The following FAM118A variants were observed in gnomAD, a reference collection of about 807,000 sequenced individuals.
FAM118A encodes protein FAM118A.
Under a neutral mutation model 38.2 loss-of-function variants are expected in FAM118A, and 25 were observed. The observed-to-expected ratio is 0.65, with a 90% CI of 0.48 to 0.91. The LOEUF (loss-of-function observed/expected upper bound fraction) is 0.91. Ranked by LOEUF, FAM118A falls within the 40% of genes least tolerant of loss-of-function variation. The probability of loss-of-function intolerance (pLI) is 0.00; values close to 1 mark genes in which losing one functional copy is unlikely to be tolerated. For synonymous variants in FAM118A, 178 were observed against 184.1 expected, an observed-to-expected ratio of 0.97 and a Z score of 0.27; for missense variants, 425 against 463.3, an observed-to-expected ratio of 0.92 and a Z score of 0.76.
intron 1 of FAM118A, among the ~76,000 whole-genome samples, chr22:45,317,911 C>T (rs111561441): frequency 2.6e-5 from 4 of 152,272 alleles, no homozygotes; most frequent in African/African-American, 9.6e-5. Context: ...ATCTCAGTGG[C>T]CAAAAAGTCA....
At chr22:45,317,986 C>T (rs568137289) in intron 1 of FAM118A, among the ~76,000 whole-genome samples, 95 of 152,262 alleles carry the variant, frequency 6.2e-4, no homozygotes, top group African/African-American at 1.9e-3. Flanking sequence ...GCATGAGGGG[C>T]GGGGCCATTA....
intron 3 of FAM118A, among the ~76,000 whole-genome samples, chr22:45,324,307 T>G (rs2085096598): frequency 6.6e-6 from 1 of 152,200 alleles, no homozygotes; most frequent in Non-Finnish European, 1.5e-5. Flanking sequence ...GGCCCCTCTT[T>G]GCTGGCTCTG....
chr22:45,322,500 G>A lies in FAM118A; in HGVS notation c.47+74G>A, dbSNP rs188717545. 186 of 1,307,884 alleles carry A rather than the reference G, an allele frequency of 1.4e-4. No homozygotes were observed. In the African/African-American group the frequency reaches 2.3e-3, roughly 16 times the overall value. 81.0% of individuals were successfully genotyped at this position (1,307,884 alleles called of 1,614,324 possible). On this transcript the variant is annotated intron_variant, in intron 2 of 8. Coordinates refer to ENST00000441876, the MANE Select transcript of FAM118A (RefSeq NM_017911.4). ...GCGTCTCTCGTGAGTGTGCGCACTCGTTCTTTAGTACCTGCAAGGGCGAAA... is the reference window on the plus strand; with the variant it reads ...GCGTCTCTCGTGAGTGTGCGCACTCATTCTTTAGTACCTGCAAGGGCGAAA...
rs1012209127 is a variant in FAM118A, at chr22:45,310,072, C to G, written c.-121C>G. On this transcript the variant is annotated 5_prime_UTR_variant, in exon 1 of 9. Transcript: ENST00000441876. ...CCCTCCCCGAGAACCATCCCCTTGC[C>G]CCGCCCAGCGTCAGGGGTGCGCGGC... 3 of 152,220 alleles carry G rather than the reference C, an allele frequency of 2.0e-5. No individual in the cohort carries two copies. Among genetic ancestry groups the G allele is most frequent in the Non-Finnish European group, 4.4e-5 (3 of 68,070 alleles). 9.4% of individuals were successfully genotyped at this position (152,220 alleles called of 1,614,324 possible). A position where few individuals can be genotyped will look rare whatever the true frequency, so the allele number is the denominator to read the frequency against.
intron 8 of FAM118A, among the ~76,000 whole-genome samples, chr22:45,336,677 G>A (rs1159673849): frequency 2.0e-5 from 3 of 152,222 alleles, no homozygotes; most frequent in Admixed American, 6.5e-5. Context: ...GCAGCGGGCA[G>A]AAGGTGCTCT....
At chr22:45,339,210 A>G (rs2086309213) in intron 8 of FAM118A, among the ~76,000 whole-genome samples, 1 of 152,184 alleles carries the variant, frequency 6.6e-6, no homozygotes, top group African/African-American at 2.4e-5. Flanking sequence ...AGCCTGGCCA[A>G]CATGGCGAAA....
chr22:45,313,871 C>A (rs775716203), intron 1 of FAM118A, among the ~76,000 whole-genome samples: 11 of 152,198 alleles, frequency 7.2e-5, no homozygotes, highest in Non-Finnish European at 1.0e-4. Context: ...TTTTATTTAG[C>A]TTTAATTTTA....
At chr22:45,329,250 T>C (rs1340775296) in intron 4 of FAM118A, 1 of 152,252 alleles carries the variant, frequency 6.6e-6, no homozygotes, top group East Asian at 1.9e-4. Context: ...AGAAGAGTTT[T>C]ATGGTCAAAA....
At position 45,323,207 on chromosome 22, in the gene FAM118A, C is replaced by G; in HGVS notation, c.80C>G (p.Pro27Arg). 1 of 1,613,664 alleles carries G rather than the reference C, an allele frequency of 6.2e-7. No individual in the cohort carries two copies. The highest frequency in any genetic ancestry group is 2.2e-5 in the East Asian group (1 of 44,874). Residue 27 changes from proline to arginine, a missense_variant, in exon 3 of 9, where the codon CCC becomes CGC. Coordinates refer to ENST00000441876, the MANE Select transcript of FAM118A (RefSeq NM_017911.4). The stretch of plus-strand genomic sequence containing the variant: ...TTAAAAAGCCTCATCCGGAAACAGC[C>G]CCAGGAACTGCTCCTGGTTATCGGG... ...KFLKSLIRKQ[P>R]QELLLVIGTG...
At position 45,323,230 on chromosome 22, in the gene FAM118A, G is replaced by A. The variant is rs751604962; in HGVS notation, c.103G>A (p.Gly35Arg). 5 of 1,614,044 alleles carry A rather than the reference G, an allele frequency of 3.1e-6. No individual in the cohort carries two copies. Among genetic ancestry groups the A allele is most frequent in the South Asian group, 2.2e-5 (2 of 91,094 alleles). Residue 35 changes from glycine to arginine, a missense_variant, in exon 3 of 9, where the codon GGG becomes AGG. Coordinates refer to ENST00000441876, the MANE Select transcript of FAM118A (RefSeq NM_017911.4). ...KQPQELLLVI[G>R]TGVSAAVAPG... ...GCCCCAGGAACTGCTCCTGGTTATC[G>A]GGACTGGCGTCAGCGCAGCAGTGGC...
In FAM118A at chr22:45,328,518, G is replaced by A. The variant is rs149701518; in HGVS notation, c.522+455G>A. 643 of 761,428 alleles carry A rather than the reference G, an allele frequency of 8.4e-4. 9 individuals carry two copies. In the East Asian group the frequency reaches 0.015, roughly 18 times the overall value. The allele number at this position is 761,428 out of a possible 1,614,324, so 47.2% of individuals were successfully genotyped here. On this transcript the variant is annotated intron_variant, in intron 4 of 8. Coordinates refer to ENST00000441876, the MANE Select transcript of FAM118A (RefSeq NM_017911.4). The stretch of plus-strand genomic sequence containing the variant: ...ATGGTGGCGCCTGCCTGCAGTCCCC[G>A]CTACTGGGGAGGCCGAGGTGGGAGG...
chr22:45,313,706 A>G (rs1157086268), intron 1 of FAM118A, among the ~76,000 whole-genome samples: 1 of 152,200 alleles, frequency 6.6e-6, no homozygotes, highest in Non-Finnish European at 1.5e-5. Context: ...TGTTTGTTGA[A>G]GTCTGGGCTT....
At chr22:45,315,718 G>A (rs992812922) in intron 1 of FAM118A, among the ~76,000 whole-genome samples, 4 of 151,728 alleles carry the variant, frequency 2.6e-5, no homozygotes, top group Non-Finnish European at 4.4e-5. Flanking sequence ...AACAGGTTTA[G>A]AGAGGTCTAC....
intron 3 of FAM118A, among the ~76,000 whole-genome samples, chr22:45,326,026 C>G (rs987915519): frequency 4.6e-5 from 7 of 152,146 alleles, no homozygotes; most frequent in Non-Finnish European, 1.0e-4. Context: ...GAGTGGGAAC[C>G]TATGAGTCTT....
At chr22:45,324,680 G>C (rs1294179811) in intron 3 of FAM118A, among the ~76,000 whole-genome samples, 1 of 152,170 alleles carries the variant, frequency 6.6e-6, no homozygotes, top group African/African-American at 2.4e-5. Context: ...TATAGTACGT[G>C]GCTGCTTTCA....
chr22:45,335,409 C>T (rs776026226), intron 7 of FAM118A, 27 bp downstream of exon 7: 1 of 1,613,934 alleles, frequency 6.2e-7, no homozygotes, highest in Non-Finnish European at 8.5e-7. Context: ...TTCTTGCCAG[C>T]CTGTTTTTTG....
chr22:45,322,806 A>G (rs1438402444), intron 2 of FAM118A, among the ~76,000 whole-genome samples: 1 of 152,216 alleles, frequency 6.6e-6, no homozygotes, highest in East Asian at 1.9e-4. Context: ...ATTTGCCAGT[A>G]ACTGTCTTAT....
At chr22:45,335,492 C>A in intron 7 of FAM118A, 110 bp downstream of exon 7, 1 of 1,300,526 alleles carries the variant, frequency 7.7e-7, no homozygotes, top group Non-Finnish European at 1.1e-6. Context: ...AAATAATTAG[C>A]TTGTATTAAA....
chr22:45,334,569 ATG>A (rs928577726), intron 6 of FAM118A, among the ~76,000 whole-genome samples: 4 of 152,340 alleles, frequency 2.6e-5, no homozygotes, highest in African/African-American at 9.6e-5. Flanking sequence ...CCTGCTTGCC[ATG>A]TGTCACCCTC....
Sources: allele counts gnomAD v4.1 joint callset (sites outside exome capture counted in the v4.1 genomes callset), GRCh38; gene constraint gnomAD v4.1.1; transcripts MANE v1.5; gene names NCBI Gene and HGNC (gene_info 2026-07-23, HGNC 2026-07-21).